The following DPH6 variants were observed in gnomAD, a reference collection of about 807,000 sequenced individuals.
DPH6 encodes diphthamine biosynthesis 6, also known as diphthine--ammonia ligase.
Under a neutral mutation model 38.2 loss-of-function variants are expected in DPH6, and 33 were observed. The ratio of observed to expected loss-of-function variants is 0.86; its 90% CI spans 0.65 to 1.15. The LOEUF (loss-of-function observed/expected upper bound fraction) is 1.15. Ranked by LOEUF, DPH6 falls within the 50% of genes most tolerant of loss-of-function variation. The probability of loss-of-function intolerance (pLI) is 0.00; values close to 1 mark genes in which losing one functional copy is unlikely to be tolerated. For synonymous variants in DPH6, 108 were observed against 103.0 expected, an observed-to-expected ratio of 1.05 and a Z score of -0.30; for missense variants, 325 against 320.0, an observed-to-expected ratio of 1.02 and a Z score of -0.12.
intron 3 of DPH6, among the ~76,000 whole-genome samples, chr15:35,271,744 A>G (rs2051823900): frequency 1.3e-5 from 2 of 152,156 alleles, no homozygotes; most frequent in African/African-American, 4.8e-5. Context: ...AGGGCTGGGG[A>G]TGTTTCTCCC....
At chr15:35,387,750 G>C (rs547345095) in intron 6 of DPH6, among the ~76,000 whole-genome samples, 1 of 152,206 alleles carries the variant, frequency 6.6e-6, no homozygotes, top group East Asian at 1.9e-4. Flanking sequence ...GGGCTGAGAC[G>C]ATGGGGTTTT....
chr15:35,319,467 G>A (rs1290858584), intron 3 of DPH6, among the ~76,000 whole-genome samples: 7 of 152,124 alleles, frequency 4.6e-5, no homozygotes, highest in South Asian at 2.1e-4. Flanking sequence ...GAGGCTGAGC[G>A]TGGTGAGTCA....
intron 3 of DPH6, among the ~76,000 whole-genome samples, chr15:35,284,970 C>T (rs1408269938): frequency 1.3e-5 from 2 of 151,822 alleles, no homozygotes; most frequent in Non-Finnish European, 2.9e-5. Flanking sequence ...ACACCATGCT[C>T]AGCTAATTTT....
the DPH6 span, among the ~76,000 whole-genome samples, chr15:35,189,083 A>G: frequency 1.3e-5 from 2 of 152,190 alleles, no homozygotes. Flanking sequence ...ACTTCAGAGT[A>G]TGTTTCCTAA....
intron 3 of DPH6, among the ~76,000 whole-genome samples, chr15:35,513,193 C>T (rs1307432657): frequency 6.6e-6 from 1 of 152,026 alleles, no homozygotes; most frequent in East Asian, 1.9e-4. Flanking sequence ...AAAATGTTAA[C>T]TTGAAATGGT....
chr15:35,363,856 T>C (rs2052634654), intron 3 of DPH6, among the ~76,000 whole-genome samples: 1 of 152,044 alleles, frequency 6.6e-6, no homozygotes, highest in Admixed American at 6.6e-5. Context: ...AGGGTTACTA[T>C]GAATCTCAAC....
At chr15:35,382,471 A>ACACT (rs1250376942) in intron 6 of DPH6, among the ~76,000 whole-genome samples, 1 of 152,116 alleles carries the variant, frequency 6.6e-6, no homozygotes, top group African/African-American at 2.4e-5. Flanking sequence ...ACACACACAC[A>ACACT]CAAAATTAAG....
the DPH6 span, among the ~76,000 whole-genome samples, chr15:35,198,365 A>T: frequency 6.6e-6 from 1 of 152,212 alleles, no homozygotes. Context: ...GTGCAAAATG[A>T]ACTATCTATA....
chr15:35,485,224 G>C (rs2054381345), intron 3 of DPH6, among the ~76,000 whole-genome samples: 2 of 152,182 alleles, frequency 1.3e-5, no homozygotes, highest in South Asian at 4.1e-4. Context: ...GGGTGGTAGA[G>C]AGAGAAGTGA....
chr15:35,365,696 C>T, intron 3 of DPH6: 2 of 818,624 alleles, frequency 2.4e-6, no homozygotes, highest in Non-Finnish European at 3.0e-6. Context: ...CAGTTTGATT[C>T]CCAACACAAA....
At chr15:35,311,020 T>C (rs7177605) in intron 3 of DPH6, among the ~76,000 whole-genome samples, 9,860 of 151,256 alleles carry the variant, frequency 0.065, 1,025 homozygotes, top group African/African-American at 0.22. Flanking sequence ...GATCACTCCA[T>C]TGCACTCCAG....
chr15:35,323,870 A>G (rs914390467), intron 3 of DPH6, among the ~76,000 whole-genome samples: 1 of 152,206 alleles, frequency 6.6e-6, no homozygotes, highest in Non-Finnish European at 1.5e-5. Flanking sequence ...TTCTACACTT[A>G]AATTTCTCAT....
At chr15:35,536,426 G>A (rs1259864285) in intron 3 of DPH6, among the ~76,000 whole-genome samples, 1 of 151,932 alleles carries the variant, frequency 6.6e-6, no homozygotes, top group Non-Finnish European at 1.5e-5. Flanking sequence ...CAAAGCATAA[G>A]TTGTCAAGAA....
chr15:35,287,987 C>T (rs12438441), intron 3 of DPH6, among the ~76,000 whole-genome samples: 6 of 152,140 alleles, frequency 3.9e-5, no homozygotes, highest in Non-Finnish European at 7.3e-5. Flanking sequence ...AAATAAACCA[C>T]GGACAATACC....
chr15:35,403,343 G>GTATA (rs376211132), intron 6 of DPH6, among the ~76,000 whole-genome samples: 3 of 150,212 alleles, frequency 2.0e-5, no homozygotes, highest in Admixed American at 6.6e-5. Flanking sequence ...TACATAGTAG[G>GTATA]TATATATATA....
In DPH6 at chr15:35,415,212, G is replaced by A. The variant is rs926143124; in HGVS notation, c.506-4316C>T. On this transcript the variant is annotated intron_variant, in intron 5 of 8. Transcript: ENST00000256538. ...TCCAAAGCATGAATATACAAGGTCAGCATGGCTGGAAGTCACTTTTTAGCC... is the reference window on the plus strand; with the variant it reads ...TCCAAAGCATGAATATACAAGGTCAACATGGCTGGAAGTCACTTTTTAGCC... Among the ~76,000 whole-genome samples the A allele has an allele frequency of 2.0e-5, 3 of 152,068 alleles. No homozygotes were observed. In the East Asian group the frequency reaches 5.8e-4, roughly 29 times the overall value.
At chr15:35,510,705 A>G (rs1307529666) in intron 3 of DPH6, among the ~76,000 whole-genome samples, 6 of 152,168 alleles carry the variant, frequency 3.9e-5, no homozygotes, top group African/African-American at 1.4e-4. Flanking sequence ...GAGATAATAT[A>G]CCATGAAATT....
chr15:35,259,606 GAAATAT>G (rs1170352689), intron 3 of DPH6, among the ~76,000 whole-genome samples: 1 of 152,146 alleles, frequency 6.6e-6, no homozygotes, highest in Non-Finnish European at 1.5e-5. Context: ...CTGAGATATA[GAAATAT>G]GTGATGTCAC....
chr15:35,261,814 C>T (rs930296492), intron 3 of DPH6, among the ~76,000 whole-genome samples: 1 of 142,818 alleles, frequency 7.0e-6, no homozygotes, highest in African/African-American at 2.6e-5. Flanking sequence ...GCCTGGGCAA[C>T]AGAGCAAGAC....
Sources: allele counts gnomAD v4.1 joint callset (sites outside exome capture counted in the v4.1 genomes callset), GRCh38; gene constraint gnomAD v4.1.1; transcripts MANE v1.5; gene names NCBI Gene and HGNC (gene_info 2026-07-23, HGNC 2026-07-21).